Variants in CDH12 observed in about 807,000 individuals in gnomAD.
CDH12 encodes the protein cadherin-12.
CDH12 carries 41 observed loss-of-function variants against 74.1 expected under a neutral mutation model. That is an observed-to-expected ratio of 0.55 (90% CI 0.43 to 0.72). The LOEUF (loss-of-function observed/expected upper bound fraction) is 0.72. Among genes scored for constraint, CDH12 ranks in the 30% least tolerant of loss-of-function variants. CDH12 has a pLI of 0.00. For synonymous variants in CDH12, 399 were observed against 355.0 expected (o/e 1.12, Z -1.39); for missense variants, 945 against 977.2 (o/e 0.97, Z 0.44).
At chr5:22,701,722 G>C (rs977908197) in intron 1 of CDH12, among the ~76,000 whole-genome samples, 1 of 152,134 alleles carries the variant, frequency 6.6e-6, no homozygotes, top group East Asian at 1.9e-4. Context: ...TTCAATCTCA[G>C]TTCAAACACT....
intron 1 of CDH12, among the ~76,000 whole-genome samples, chr5:22,586,490 A>T (rs796269659): frequency 2.4e-5 from 3 of 125,028 alleles, no homozygotes; most frequent in African/African-American, 5.5e-5. Context: ...AGTATAATAA[A>T]ATATATATAT....
chr5:22,744,072 A>G (rs1745169101), intron 1 of CDH12, among the ~76,000 whole-genome samples: 1 of 152,140 alleles, frequency 6.6e-6, no homozygotes, highest in Non-Finnish European at 1.5e-5. Flanking sequence ...ACCTCCTAAC[A>G]CAGGCATTAT....
chr5:22,616,166 C>A (rs1222888535), intron 1 of CDH12, among the ~76,000 whole-genome samples: 1 of 152,018 alleles, frequency 6.6e-6, no homozygotes, highest in Non-Finnish European at 1.5e-5. Flanking sequence ...TACCTGTCAA[C>A]TGTACTGTTC....
chr5:22,789,562 C>T (rs1194719218), intron 1 of CDH12, among the ~76,000 whole-genome samples: 1 of 151,934 alleles, frequency 6.6e-6, no homozygotes, highest in Non-Finnish European at 1.5e-5. Flanking sequence ...GGTTCTGGAA[C>T]AAAGGAACTT....
At chr5:22,795,166 G>T (rs371088457) in intron 1 of CDH12, among the ~76,000 whole-genome samples, 1 of 152,072 alleles carries the variant, frequency 6.6e-6, no homozygotes, top group Non-Finnish European at 1.5e-5. Context: ...ACCTGCCAAA[G>T]ACCTTGAAGC....
chr5:22,604,063 T>C (rs833344), intron 1 of CDH12, among the ~76,000 whole-genome samples: 74,562 of 152,000 alleles, frequency 0.49, 18,586 homozygotes, highest in Admixed American at 0.58. Flanking sequence ...GACAATTCAC[T>C]ATAGCAATGA....
intron 6 of CDH12, among the ~76,000 whole-genome samples, chr5:21,861,770 A>C (rs1262486250): frequency 1.3e-5 from 2 of 152,128 alleles, no homozygotes; most frequent in African/African-American, 2.4e-5. Context: ...TGACTATCAG[A>C]AATTGTACTT....
chr5:22,660,891 T>C (rs1210248816), intron 1 of CDH12, among the ~76,000 whole-genome samples: 1 of 152,214 alleles, frequency 6.6e-6, no homozygotes, highest in Non-Finnish European at 1.5e-5. Flanking sequence ...GTAATAACTA[T>C]TTAACATTCA....
intron 3 of CDH12, among the ~76,000 whole-genome samples, chr5:22,318,049 G>A (rs1738706987): frequency 6.6e-6 from 1 of 152,116 alleles, no homozygotes; most frequent in South Asian, 2.1e-4. Flanking sequence ...CACTTAATGG[G>A]GAAGAATCAT....
chr5:22,432,316 T>G (rs1744205906), intron 2 of CDH12, among the ~76,000 whole-genome samples: 1 of 152,102 alleles, frequency 6.6e-6, no homozygotes, highest in South Asian at 2.1e-4. Flanking sequence ...CAGCTAAGTT[T>G]GTATGAGTAA....
chr5:22,148,737 A>G (rs945581531), intron 4 of CDH12, among the ~76,000 whole-genome samples: 2 of 152,018 alleles, frequency 1.3e-5, no homozygotes, highest in Admixed American at 6.6e-5. Flanking sequence ...TATCAATCCA[A>G]TCTCCAACTC....
chr5:22,055,552 G>A (rs1395840210), intron 5 of CDH12, among the ~76,000 whole-genome samples: 2 of 151,890 alleles, frequency 1.3e-5, no homozygotes, highest in African/African-American at 4.8e-5. Flanking sequence ...ACTGTATTGA[G>A]AACAAATTTT....
intron 5 of CDH12, among the ~76,000 whole-genome samples, chr5:22,033,660 T>C (rs1313616143): frequency 6.6e-6 from 1 of 152,218 alleles, no homozygotes; most frequent in Non-Finnish European, 1.5e-5. Context: ...TGTCTGTTTT[T>C]CTTTAGTCAA....
chr5:22,749,210 G>T (rs758835238), intron 1 of CDH12, among the ~76,000 whole-genome samples: 5 of 152,350 alleles, frequency 3.3e-5, no homozygotes, highest in Middle Eastern at 6.8e-3. Context: ...CATGAGCACA[G>T]CACAGAGGCC....
At chr5:22,369,746 T>C (rs922708085) in intron 3 of CDH12, among the ~76,000 whole-genome samples, 1 of 152,140 alleles carries the variant, frequency 6.6e-6, no homozygotes, top group African/African-American at 2.4e-5. Flanking sequence ...AAGAGTAAAA[T>C]TTACAGGCAA....
intron 1 of CDH12, among the ~76,000 whole-genome samples, chr5:22,567,386 A>C (rs1019028053): frequency 6.6e-6 from 1 of 152,222 alleles, no homozygotes; most frequent in African/African-American, 2.4e-5. Context: ...GCTTTAAGGA[A>C]GCCTGAGGGG....
At chr5:22,827,564 G>C (rs1736401939) in intron 1 of CDH12, among the ~76,000 whole-genome samples, 1 of 152,192 alleles carries the variant, frequency 6.6e-6, no homozygotes. Flanking sequence ...TTTGCTGATA[G>C]ATACAGGAGC....
intron 11 of CDH12, among the ~76,000 whole-genome samples, chr5:21,778,920 A>G (rs1472137666): frequency 6.6e-6 from 1 of 152,206 alleles, no homozygotes; most frequent in Non-Finnish European, 1.5e-5. Context: ...AAGTTACAAC[A>G]TAAAATAGCT....
intron 6 of CDH12, among the ~76,000 whole-genome samples, chr5:21,900,501 T>G (rs192214676): frequency 6.6e-6 from 1 of 152,334 alleles, no homozygotes; most frequent in East Asian, 1.9e-4. Flanking sequence ...CAAAATGCTG[T>G]TATACTTACT....
Sources: gnomAD v4.1 joint callset for allele counts (sites outside exome capture counted in the v4.1 genomes callset) on GRCh38, gnomAD v4.1.1 for gene constraint, MANE v1.5 for transcripts, NCBI Gene and HGNC (gene_info 2026-07-23, HGNC 2026-07-21) for gene names.